NRXN1: variants seen among roughly 807,000 people sequenced by gnomAD.
The protein encoded by NRXN1 is neurexin 1, also known as neurexin-1.
In NRXN1, 39 loss-of-function variants were observed where a neutral mutation model predicts 150.9. That is an observed-to-expected ratio of 0.26 (90% confidence interval 0.20 to 0.34). The LOEUF is 0.34. Among genes scored for constraint, NRXN1 ranks in the 10% least tolerant of loss-of-function variants. NRXN1 has a pLI of 1.00. For synonymous variants in NRXN1, 924 were observed against 757.0 expected, an observed-to-expected ratio of 1.22 and a Z score of -3.62; for missense variants, 1,815 against 1,949.9, an observed-to-expected ratio of 0.93 and a Z score of 1.30.
chr2:50,794,988 T>C (rs1391847460), intron 5 of NRXN1, among the ~76,000 whole-genome samples: 1 of 152,128 alleles, frequency 6.6e-6, no homozygotes, highest in Admixed American at 6.6e-5. Context: ...AAAAGAACTA[T>C]ATTTTTTCCA....
intron 2 of NRXN1, among the ~76,000 whole-genome samples, chr2:51,015,727 C>G (rs1668568319): frequency 6.6e-6 from 1 of 151,618 alleles, no homozygotes; most frequent in South Asian, 2.1e-4. Context: ...ATATTTTAAT[C>G]CAACCATTTT....
chr2:50,234,402 G>A (rs760794487), intron 18 of NRXN1, among the ~76,000 whole-genome samples: 23 of 152,074 alleles, frequency 1.5e-4, no homozygotes, highest in Non-Finnish European at 2.6e-4. Flanking sequence ...GCTGAGGCAG[G>A]AGAATAGCTT....
chr2:50,911,287 G>C (rs1393853636), intron 5 of NRXN1, among the ~76,000 whole-genome samples: 1 of 151,792 alleles, frequency 6.6e-6, no homozygotes, highest in African/African-American at 2.4e-5. Flanking sequence ...ACAATCTCGT[G>C]TTCTTGTCCC....
Position 50,447,457 on chromosome 2 carries a change from G to C in NRXN1, c.3364+17985C>G, listed in dbSNP as rs1343105113. Among the ~76,000 whole-genome samples the C allele has an allele frequency of 6.0e-5, 8 of 132,284 alleles. 1 individual carries two copies. The highest frequency in any genetic ancestry group is 1.1e-4 in the Non-Finnish European group (7 of 63,606). 86.8% of individuals were successfully genotyped at this position (132,284 alleles called of 152,430 possible). The stretch of plus-strand genomic sequence containing the variant: ...ATTGTGACACTGCTCTCCAGCCTGG[G>C]TGACAGAGTGAGACTCTGTCTCAAA... On this transcript the variant is annotated intron_variant, in intron 17 of 22. Coordinates refer to ENST00000401669, the MANE Select transcript of NRXN1 (RefSeq NM_001330078.2).
At chr2:50,383,390 G>C (rs1035032833) in intron 17 of NRXN1, among the ~76,000 whole-genome samples, 1 of 152,132 alleles carries the variant, frequency 6.6e-6, no homozygotes, top group African/African-American at 2.4e-5. Flanking sequence ...CTACCATTAA[G>C]AGGAAATCTC....
chr2:50,902,656 A>T (rs1053427918), intron 5 of NRXN1, among the ~76,000 whole-genome samples: 1 of 152,138 alleles, frequency 6.6e-6, no homozygotes, highest in Non-Finnish European at 1.5e-5. Context: ...GTAAAAACCC[A>T]TGCATGGTGT....
In NRXN1 at chr2:50,542,266, A is replaced by G. The variant is rs561485086; in HGVS notation, c.1760-3630T>C. Among the ~76,000 whole-genome samples, 3 of 152,202 alleles carry G rather than the reference A, an allele frequency of 2.0e-5. No individual in the cohort carries two copies. The East Asian group carries it at 5.8e-4, about 29-fold the overall frequency. On this transcript the variant is annotated intron_variant, in intron 9 of 22. Transcript: ENST00000401669. ...ATTGCACTCCAGCCTGGGCAACCAG[A>G]GCAAAACTCCATCAGAAAGAAAGAA...
At chr2:50,178,305 T>A (rs984706656) in intron 18 of NRXN1, among the ~76,000 whole-genome samples, 4 of 151,990 alleles carry the variant, frequency 2.6e-5, no homozygotes, top group Admixed American at 6.6e-5. Flanking sequence ...CTCAATCTGG[T>A]CTATCCAATG....
At chr2:50,735,723 A>T (rs531456179) in intron 5 of NRXN1, among the ~76,000 whole-genome samples, 1 of 151,478 alleles carries the variant, frequency 6.6e-6, no homozygotes, top group East Asian at 2.0e-4. Flanking sequence ...AACACACAAC[A>T]CTCTTTTCTT....
chr2:50,165,921 C>G (rs1386759244), intron 18 of NRXN1, among the ~76,000 whole-genome samples: 2 of 152,110 alleles, frequency 1.3e-5, no homozygotes, highest in African/African-American at 4.8e-5. Flanking sequence ...CTTGTGTATT[C>G]TCCAGGTGTG....
intron 2 of NRXN1, among the ~76,000 whole-genome samples, chr2:50,987,781 G>A (rs1449670260): frequency 1.3e-5 from 2 of 151,924 alleles, no homozygotes; most frequent in Non-Finnish European, 2.9e-5. Context: ...TCTCTTTGGA[G>A]ATTAATGGAT....
chr2:50,263,149 A>AACAC (rs1314277092), intron 17 of NRXN1, among the ~76,000 whole-genome samples: 3 of 129,012 alleles, frequency 2.3e-5, no homozygotes, highest in East Asian at 2.5e-4. Context: ...CCAAGAGGAA[A>AACAC]ACACACATAC....
At chr2:50,700,982 A>T (rs1056360013) in intron 5 of NRXN1, among the ~76,000 whole-genome samples, 1 of 152,064 alleles carries the variant, frequency 6.6e-6, no homozygotes, top group African/African-American at 2.4e-5. Context: ...CAAGATTTTT[A>T]AAATCTCTTA....
chr2:50,451,443 G>C (rs74374539), intron 17 of NRXN1, among the ~76,000 whole-genome samples: 314 of 152,276 alleles, frequency 2.1e-3, no homozygotes, highest in African/African-American at 7.3e-3. Flanking sequence ...TGAAGGTATA[G>C]CTCTTCTAAA....
chr2:50,953,172 G>A (rs1443377503), intron 2 of NRXN1, among the ~76,000 whole-genome samples: 1 of 152,150 alleles, frequency 6.6e-6, no homozygotes, highest in East Asian at 1.9e-4. Context: ...GACCCATTAT[G>A]AATAGCACAT....
chr2:50,491,922 A>G (rs1282692800), intron 15 of NRXN1, among the ~76,000 whole-genome samples: 1 of 152,204 alleles, frequency 6.6e-6, no homozygotes, highest in Non-Finnish European at 1.5e-5. Flanking sequence ...ATAAATGAGC[A>G]AGACTGACCT....
At chr2:50,229,636 A>T (rs1181434202) in intron 18 of NRXN1, among the ~76,000 whole-genome samples, 1 of 152,052 alleles carries the variant, frequency 6.6e-6, no homozygotes, top group Non-Finnish European at 1.5e-5. Flanking sequence ...AAAATTCCAG[A>T]ATAACTAAGA....
chr2:49,955,353 T>C (rs1199714977), intron 21 of NRXN1, among the ~76,000 whole-genome samples: 1 of 152,122 alleles, frequency 6.6e-6, no homozygotes. Context: ...TCTCTAGAAG[T>C]AACAATGAAA....
intron 21 of NRXN1, chr2:50,022,703 A>G (rs1184568455): frequency 6.6e-6 from 1 of 152,210 alleles, no homozygotes; most frequent in Admixed American, 6.5e-5. Flanking sequence ...AGTTTGTATA[A>G]AAAAATCAAA....
Sources: allele counts gnomAD v4.1 joint callset (sites outside exome capture counted in the v4.1 genomes callset), GRCh38; gene constraint gnomAD v4.1.1; transcripts MANE v1.5; gene names NCBI Gene and HGNC (gene_info 2026-07-23, HGNC 2026-07-21).